The following YBX2 variants were observed in gnomAD, a reference collection of about 807,000 sequenced individuals.
YBX2 encodes the protein Y-box binding protein 2.
Under a neutral mutation model 44.4 loss-of-function variants are expected in YBX2, and 5 were observed. The ratio of observed to expected loss-of-function variants is 0.11; its 90% CI spans 0.06 to 0.24. YBX2 has a LOEUF of 0.24. YBX2 is among the 10% of genes least tolerant of loss of function. The probability of loss-of-function intolerance (pLI) is 1.00; values close to 1 mark genes in which losing one functional copy is unlikely to be tolerated. For missense variants in YBX2, 417 were observed against 526.9 expected, an observed-to-expected ratio of 0.79 and a Z score of 2.04; for synonymous variants, 188 against 216.1, an observed-to-expected ratio of 0.87 and a Z score of 1.14.
chr17:7,294,568 C>A lies in YBX2; in HGVS notation c.-68G>T, dbSNP rs1447608346. 2.3e-6 allele frequency: 3 copies of A among 1,330,734 alleles called. No individual in the cohort carries two copies. The East Asian group carries it at 1.0e-4, about 45-fold the overall frequency. The allele number at this position is 1,330,734 out of a possible 1,614,324, so 82.4% of individuals were successfully genotyped here. A position where few individuals can be genotyped will look rare whatever the true frequency, so the allele number is the denominator to read the frequency against. On this transcript the variant is annotated 5_prime_UTR_variant, in exon 1 of 9. Transcript: ENST00000007699. This position sits in a 1 kb window ranked among gnomAD's most constrained non-coding sequence, Gnocchi z 4.6. ...CCCTCCCCCCGGCTCGCGAACCCAC[C>A]GCCCTGCTCGGTCCTCGCGCCCCGA...
Position 7,290,543 on chromosome 17 carries a change from G to A in YBX2, c.460-8C>T. 1 of 1,610,766 alleles carries A rather than the reference G, an allele frequency of 6.2e-7. No individual in the cohort carries two copies. Among genetic ancestry groups the A allele is most frequent in the Non-Finnish European group, 8.5e-7 (1 of 1,178,000 alleles). Reference sequence around the variant, plus strand: ...ATTAGTGGCTTCTGCGCCCTGGGAAGGTGGTAAGGGAATAGTGAGAACCTG... The same window carrying A: ...ATTAGTGGCTTCTGCGCCCTGGGAAAGTGGTAAGGGAATAGTGAGAACCTG... On this transcript the variant is annotated splice_polypyrimidine_tract_variant and splice_region_variant and intron_variant, in intron 4 of 8. Transcript: ENST00000007699.
chr17:7,289,297 G>GT (rs890550356), intron 7 of YBX2, among the ~76,000 whole-genome samples: 3 of 151,414 alleles, frequency 2.0e-5, no homozygotes, highest in Non-Finnish European at 3.0e-5. Context: ...GGATGGGTTG[G>GT]GGGGGGCATG....
Position 7,293,483 on chromosome 17 carries a change from G to A in YBX2, c.327C>T (p.Phe109=), listed in dbSNP as rs771919651. 1 of 1,614,108 alleles carries A rather than the reference G, an allele frequency of 6.2e-7. No individual in the cohort carries two copies. The highest frequency in any genetic ancestry group is 2.2e-5 in the East Asian group (1 of 44,886). ...CTGGGTTCCTTGGATACCTGTTGAT[G>A]AATCCGTAACCATTCCGGACGTTGA... ...KWFNVRNGYG[F]INRNDTKEDV... The change falls in exon 2 of 9, where the codon TTC becomes TTT. Residue 109 remains phenylalanine, a synonymous_variant. Transcript: ENST00000007699.
intron 1 of YBX2, chr17:7,293,923 G>A (rs1191074684): frequency 5.8e-6 from 3 of 517,396 alleles, no homozygotes; most frequent in South Asian, 2.6e-5. Context: ...CAGGCTCAGA[G>A]GTTTGCCTAG....
At chr17:7,289,929 C>T in intron 6 of YBX2, 39 bp downstream of exon 6, 1 of 1,611,174 alleles carries the variant, frequency 6.2e-7, no homozygotes, top group South Asian at 1.1e-5. Flanking sequence ...GGATCCAACA[C>T]TGGAAGGGGA....
At position 7,291,449 on chromosome 17, in the gene YBX2, G is replaced by A; in HGVS notation, c.370-267C>T. 1 of 518,442 alleles carries A rather than the reference G, an allele frequency of 1.9e-6. No homozygotes were observed. The highest frequency in any genetic ancestry group is 3.5e-6 in the Non-Finnish European group (1 of 286,366). The allele number at this position is 518,442 out of a possible 1,614,324, so 32.1% of individuals were successfully genotyped here. On this transcript the variant is annotated intron_variant, in intron 3 of 8. Coordinates refer to ENST00000007699, the MANE Select transcript of YBX2 (RefSeq NM_015982.4). This position sits in a 1 kb window ranked among gnomAD's most constrained non-coding sequence, Gnocchi z 5.8. The stretch of plus-strand genomic sequence containing the variant: ...TTTACCCCTCAGGGATTTCAGAAAG[G>A]GAGGCAAGAAATATGAACTCCAAAG...
chr17:7,292,372 C>G (rs2072507421), intron 2 of YBX2: 1 of 402,678 alleles, frequency 2.5e-6, no homozygotes, highest in African/African-American at 2.0e-5. Flanking sequence ...CCACCCCAGG[C>G]TAGCCTTACA....
chr17:7,288,884 G>A lies in YBX2; in HGVS notation c.1045-46C>T, dbSNP rs772834634. 9.9e-6 allele frequency: 16 copies of A among 1,611,568 alleles called. No homozygotes were observed. In the South Asian group the frequency reaches 1.1e-4, roughly 11 times the overall value. ...ATTGAGACTTGTTCTTTTTGTTTTT[G>A]AGACAGAGTCTCACTCCAGGTTGGA... On this transcript the variant is annotated intron_variant, in intron 7 of 8. Coordinates refer to ENST00000007699, the MANE Select transcript of YBX2 (RefSeq NM_015982.4).
Position 7,290,065 on chromosome 17 carries a change from C to T in YBX2, c.751G>A (p.Asp251Asn). ...PNQQQPIEGT[D>N]RVEPKETAPL... Reference sequence around the variant, plus strand: ...GCTGTCTCTTTGGGTTCTACCCTGTCAGTGCCCTGGGAACATGCAAAGGCC... The same window carrying T: ...GCTGTCTCTTTGGGTTCTACCCTGTTAGTGCCCTGGGAACATGCAAAGGCC... Residue 251 changes from aspartate (D) to asparagine (N), a missense_variant, in exon 6 of 9, where the codon GAC (aspartate) becomes AAC (asparagine). Transcript: ENST00000007699. 6.2e-7 allele frequency: 1 copy of T among 1,614,274 alleles called. No homozygotes were observed. The highest frequency in any genetic ancestry group is 8.5e-7 in the Non-Finnish European group (1 of 1,180,046).
At chr17:7,292,150 G>A in intron 2 of YBX2, 91 bp from the exon 3 acceptor site, 1 of 1,441,454 alleles carries the variant, frequency 6.9e-7, no homozygotes, top group Non-Finnish European at 9.8e-7. Flanking sequence ...TCTAAGCTCA[G>A]TGGGCCCATC....
intron 2 of YBX2, 133 bp downstream of exon 2, chr17:7,293,342 G>A (rs941683470): frequency 7.3e-6 from 11 of 1,509,054 alleles, no homozygotes; most frequent in Admixed American, 2.0e-5. Flanking sequence ...GCGGTTAAAG[G>A]CTTTCAACCA....
At position 7,294,533 on chromosome 17, in the gene YBX2, C is replaced by CCGCCCCGGCCCCT. The variant is rs2072526837; in HGVS notation, c.-46_-34dup. The CCGCCCCGGCCCCT allele has an allele frequency of 7.0e-7, 1 of 1,427,942 alleles. No individual in the cohort carries two copies. Among genetic ancestry groups the CCGCCCCGGCCCCT allele is most frequent in the Non-Finnish European group, 9.2e-7 (1 of 1,090,034 alleles). 88.5% of individuals were successfully genotyped at this position (1,427,942 alleles called of 1,614,324 possible). The stretch of plus-strand genomic sequence containing the variant: ...GGTCCAGTACCGGCCACAGCCGCCA[C>CCGCCCCGGCCCCT]CGCCCCGGCCCCTCCCCCCGGCTCG... On this transcript the variant is annotated 5_prime_UTR_variant, in exon 1 of 9. Coordinates refer to ENST00000007699, the MANE Select transcript of YBX2 (RefSeq NM_015982.4). The surrounding 1 kb of genome is among the most constrained non-coding windows in gnomAD (Gnocchi z 4.6).
chr17:7,289,416 G>A (rs1300812682), intron 7 of YBX2, 114 bp downstream of exon 7: 3 of 1,471,802 alleles, frequency 2.0e-6, no homozygotes, highest in Non-Finnish European at 2.7e-6. Context: ...GGTGGTGGCA[G>A]GGCCAGGGCA....
At chr17:7,293,845 G>C in intron 1 of YBX2, 1 of 547,036 alleles carries the variant, frequency 1.8e-6, no homozygotes, top group South Asian at 2.2e-5. Flanking sequence ...GCAAAGTGCC[G>C]CCCCCAGGTC....
At chr17:7,293,606 G>C in intron 1 of YBX2, 68 bp from the exon 2 acceptor site, 3 of 1,611,302 alleles carry the variant, frequency 1.9e-6, no homozygotes, top group Non-Finnish European at 2.5e-6. Flanking sequence ...TCAGTTTTGA[G>C]ACACTCCAAA....
At chr17:7,289,851 C>G in intron 6 of YBX2, 117 bp downstream of exon 6, 2 of 1,583,640 alleles carry the variant, frequency 1.3e-6, no homozygotes, top group Non-Finnish European at 1.7e-6. Context: ...CCGCAAGGCA[C>G]CTGTCTCGCC....
chr17:7,290,579 C>T, intron 4 of YBX2, 44 bp from the exon 5 acceptor site: 1 of 1,596,024 alleles, frequency 6.3e-7, no homozygotes, highest in South Asian at 1.1e-5. Flanking sequence ...CTCCAACAGC[C>T]AATGTGCATT....
At position 7,288,451 on chromosome 17, in the gene YBX2, G is replaced by GT. The variant is rs1452356756; in HGVS notation, c.*231dup. Reference sequence around the variant, plus strand: ...GGGAGGGAGTTGCTGTCTCTGAACAGTAAGGATGGCTCCCTTCCTTCAACC... The same window carrying GT: ...GGGAGGGAGTTGCTGTCTCTGAACAGTTAAGGATGGCTCCCTTCCTTCAACC... On this transcript the variant is annotated 3_prime_UTR_variant, in exon 9 of 9. Coordinates refer to ENST00000007699, the MANE Select transcript of YBX2 (RefSeq NM_015982.4). 3 of 289,798 alleles carry GT rather than the reference G, an allele frequency of 1.0e-5. No individual in the cohort carries two copies. Among genetic ancestry groups the GT allele is most frequent in the Non-Finnish European group, 2.0e-5 (3 of 148,932 alleles). The allele number at this position is 289,798 out of a possible 1,614,324, so 18.0% of individuals were successfully genotyped here.
chr17:7,294,081 C>A lies in YBX2; in HGVS notation c.271+149G>T. ...CGGCAGGATTTCCCACCAGGGGAAT[C>A]CACTTTGGTGCGCAGCTCCCAGCCC... On this transcript the variant is annotated intron_variant, in intron 1 of 8. Coordinates refer to ENST00000007699, the MANE Select transcript of YBX2 (RefSeq NM_015982.4). This position sits in a 1 kb window ranked among gnomAD's most constrained non-coding sequence, Gnocchi z 4.6. The A allele has an allele frequency of 1.1e-6, 1 of 918,112 alleles. No homozygotes were observed. The highest frequency in any genetic ancestry group is 1.4e-6 in the Non-Finnish European group (1 of 698,452). The allele number at this position is 918,112 out of a possible 1,614,324, so 56.9% of individuals were successfully genotyped here. A position where few individuals can be genotyped will look rare whatever the true frequency, so the allele number is the denominator to read the frequency against.
Sources: gnomAD v4.1 joint callset for allele counts (sites outside exome capture counted in the v4.1 genomes callset) on GRCh38, gnomAD v4.1.1 for gene constraint, Gnocchi (gnomAD v3.1) non-coding constraint, MANE v1.5 for transcripts, NCBI Gene and HGNC (gene_info 2026-07-23, HGNC 2026-07-21) for gene names.